Variants in GPHN observed in about 807,000 individuals in gnomAD.
The protein encoded by GPHN is gephyrin.
A neutral mutation model predicts 95.5 loss-of-function variants in GPHN; 17 were observed. The observed-to-expected ratio is 0.18, with a 90% CI of 0.12 to 0.27. The LOEUF is 0.27. Ranked by LOEUF, GPHN falls within the 10% of genes least tolerant of loss-of-function variation. The pLI is 1.00. For missense variants in GPHN, 660 were observed against 978.1 expected, an observed-to-expected ratio of 0.67 and a Z score of 4.34; for synonymous variants, 320 against 322.5, an observed-to-expected ratio of 0.99 and a Z score of 0.08.
the GPHN span, among the ~76,000 whole-genome samples, chr14:67,225,962 T>TGTGTGTGTGTGTGTGTGTGTGC: frequency 1.8e-4 from 20 of 113,516 alleles, no homozygotes; most frequent in African/African-American, 4.1e-4. Context: ...TGTGTGTGTG[T>TGTGTGTGTGTGTGTGTGTGTGC]GCGCGCGCGC....
At chr14:67,017,564 A>G (rs1330031113) in intron 9 of GPHN, among the ~76,000 whole-genome samples, 3 of 152,118 alleles carry the variant, frequency 2.0e-5, no homozygotes, top group African/African-American at 7.2e-5. Context: ...AAAATAAGCC[A>G]TGATGCATCA....
chr14:66,890,217 G>A (rs1029662012), intron 5 of GPHN, among the ~76,000 whole-genome samples: 4 of 151,980 alleles, frequency 2.6e-5, no homozygotes, highest in African/African-American at 9.7e-5. Context: ...AACCAGCCTG[G>A]GCAACATGGC....
chr14:67,359,649 T>C, the GPHN span: 2 of 1,614,066 alleles, frequency 1.2e-6, no homozygotes, highest in South Asian at 1.1e-5. Context: ...ATCCCATTCC[T>C]TTACTTACAT....
At chr14:67,092,989 A>T (rs1430930869) in intron 12 of GPHN, among the ~76,000 whole-genome samples, 1 of 152,072 alleles carries the variant, frequency 6.6e-6, no homozygotes, top group East Asian at 1.9e-4. Flanking sequence ...AAGGGCAAAA[A>T]TATGTTAGAA....
chr14:67,497,766 G>A, the GPHN span, among the ~76,000 whole-genome samples: 7 of 151,876 alleles, frequency 4.6e-5, no homozygotes, highest in Admixed American at 1.3e-4. Context: ...GGAAAGTCAC[G>A]TCAACCCCAG....
intron 2 of GPHN, among the ~76,000 whole-genome samples, chr14:66,719,123 A>G (rs2070483176): frequency 6.6e-6 from 1 of 152,110 alleles, no homozygotes; most frequent in South Asian, 2.1e-4. Flanking sequence ...GCACCAGGCT[A>G]CCTGCTTCCC....
the GPHN span, among the ~76,000 whole-genome samples, chr14:67,349,758 A>C: frequency 3.9e-5 from 6 of 152,106 alleles, no homozygotes; most frequent in Non-Finnish European, 8.8e-5. Context: ...ACCCTAAAAC[A>C]CTCACATACC....
chr14:67,350,540 G>A, the GPHN span: 1 of 1,320,102 alleles, frequency 7.6e-7, no homozygotes, highest in African/African-American at 1.5e-5. Context: ...ATTAAAAAAT[G>A]CTTTTTAAAT....
At chr14:67,619,914 G>A in the GPHN span, 2 of 1,117,496 alleles carry the variant, frequency 1.8e-6, no homozygotes, top group Admixed American at 3.1e-5. Context: ...GCGGGCGGTG[G>A]CGCTCACTCC....
At chr14:67,670,455 T>G in the GPHN span, among the ~76,000 whole-genome samples, 1 of 152,208 alleles carries the variant, frequency 6.6e-6, no homozygotes, top group Non-Finnish European at 1.5e-5. Flanking sequence ...ATATTCAGTT[T>G]GAAGTTTTTT....
At chr14:67,395,015 T>C in the GPHN span, among the ~76,000 whole-genome samples, 2 of 152,076 alleles carry the variant, frequency 1.3e-5, no homozygotes, top group Non-Finnish European at 2.9e-5. Flanking sequence ...TCTATAATGA[T>C]AAGAAATAAA....
chr14:67,190,194 C>T, the GPHN span, among the ~76,000 whole-genome samples: 23 of 147,970 alleles, frequency 1.6e-4, no homozygotes, highest in South Asian at 4.3e-3. Context: ...GGATTACAGG[C>T]GTGAGCCACT....
the GPHN span, among the ~76,000 whole-genome samples, chr14:67,234,556 CTTGT>C: frequency 2.6e-5 from 4 of 152,074 alleles, no homozygotes; most frequent in African/African-American, 9.6e-5. Flanking sequence ...CCACTCTTTG[CTTGT>C]TTGTTTTGAA....
intron 5 of GPHN, among the ~76,000 whole-genome samples, chr14:66,910,677 C>T (rs2065628097): frequency 6.6e-6 from 1 of 151,934 alleles, no homozygotes; most frequent in Non-Finnish European, 1.5e-5. Context: ...TGCATATATG[C>T]ATATATATCT....
At chr14:67,519,290 A>C in the GPHN span, among the ~76,000 whole-genome samples, 1 of 152,254 alleles carries the variant, frequency 6.6e-6, no homozygotes, top group African/African-American at 2.4e-5. Context: ...AAAGAATATG[A>C]TCAGATGGCT....
At chr14:67,685,634 T>C in the GPHN span, among the ~76,000 whole-genome samples, 6 of 151,774 alleles carry the variant, frequency 4.0e-5, no homozygotes, top group Admixed American at 3.3e-4. Flanking sequence ...ATCCCCTTCA[T>C]TTTTTTGAGA....
chr14:66,694,732 G>A (rs867197274), intron 2 of GPHN, among the ~76,000 whole-genome samples: 4 of 152,150 alleles, frequency 2.6e-5, no homozygotes, highest in African/African-American at 7.2e-5. Context: ...TAAAAACTCT[G>A]CTCTACAAAC....
At chr14:67,183,127 T>C (rs1048682357), downstream of GPHN, among the ~76,000 whole-genome samples, 3 of 152,266 alleles carry the variant, frequency 2.0e-5, no homozygotes, top group East Asian at 1.9e-4. Flanking sequence ...TATAGGATAA[T>C]TTCTATACCT....
At chr14:66,920,155 GA>G (rs1314219879) in intron 6 of GPHN, among the ~76,000 whole-genome samples, 1 of 152,148 alleles carries the variant, frequency 6.6e-6, no homozygotes, top group Non-Finnish European at 1.5e-5. Flanking sequence ...ATCACATCAA[GA>G]AATGGTCTTG....
Sources: gnomAD v4.1 joint callset for allele counts (sites outside exome capture counted in the v4.1 genomes callset) on GRCh38, gnomAD v4.1.1 for gene constraint, MANE v1.5 for transcripts, NCBI Gene and HGNC (gene_info 2026-07-23, HGNC 2026-07-21) for gene names.